USP39: variants seen among roughly 807,000 people sequenced by gnomAD.
The protein encoded by USP39 is ubiquitin specific peptidase 39, also known as ubiquitin carboxyl-terminal hydrolase 39.
A neutral mutation model predicts 66.4 loss-of-function variants in USP39; 38 were observed. That is an observed-to-expected ratio of 0.57 (90% confidence interval 0.44 to 0.75). USP39 has a LOEUF of 0.75. Among genes scored for constraint, USP39 ranks in the 30% least tolerant of loss-of-function variants. The probability of loss-of-function intolerance (pLI) is 0.00; values close to 1 mark genes in which losing one functional copy is unlikely to be tolerated. For missense variants in USP39, 608 were observed against 714.4 expected, an observed-to-expected ratio of 0.85 and a Z score of 1.70; for synonymous variants, 303 against 274.6, an observed-to-expected ratio of 1.10 and a Z score of -1.02.
At chr2:85,633,831 CT>C (rs35970499) in intron 6 of USP39, among the ~76,000 whole-genome samples, 871 of 79,000 alleles carry the variant, frequency 0.011, 1 homozygote, top group African/African-American at 0.036. Flanking sequence ...CGAGTAGTGG[CT>C]TTTTTTTTTT....
In USP39 at chr2:85,623,853, C is replaced by G. The variant is rs937637167; in HGVS notation, c.570+71C>G. 1.0e-5 allele frequency: 15 copies of G among 1,492,790 alleles called. No individual in the cohort carries two copies. The African/African-American group carries it at 1.3e-4, about 13-fold the overall frequency. The allele number at this position is 1,492,790 out of a possible 1,614,324, so 92.5% of individuals were successfully genotyped here. On this transcript the variant is annotated intron_variant, in intron 4 of 12. Transcript: ENST00000323701. ...CATCCCAGGGCTCCCAGGGGACTGC[C>G]CCACCTGAGGACAGGGAAGAATCTC...
chr2:85,623,853 C>T lies in USP39; in HGVS notation c.570+71C>T, dbSNP rs937637167. On this transcript the variant is annotated intron_variant, in intron 4 of 12. Transcript: ENST00000323701. The stretch of plus-strand genomic sequence containing the variant: ...CATCCCAGGGCTCCCAGGGGACTGC[C>T]CCACCTGAGGACAGGGAAGAATCTC... 4.7e-6 allele frequency: 7 copies of T among 1,492,790 alleles called. No individual in the cohort carries two copies. The East Asian group carries it at 1.0e-4, about 22-fold the overall frequency. 92.5% of individuals were successfully genotyped at this position (1,492,790 alleles called of 1,614,324 possible).
Position 85,630,913 on chromosome 2 carries a change from T to C in USP39, c.916T>C (p.Cys306Arg), listed in dbSNP as rs374810446. 7 of 1,614,094 alleles carry C rather than the reference T, an allele frequency of 4.3e-6. No homozygotes were observed. The highest frequency in any genetic ancestry group is 5.9e-6 in the Non-Finnish European group (7 of 1,180,050). Residue 306 changes from cysteine to arginine, a missense_variant, in exon 6 of 13, where the codon TGC becomes CGC. Cys to Arg is a radical substitution (Grantham distance 180). Coordinates refer to ENST00000323701, the MANE Select transcript of USP39 (RefSeq NM_006590.4). ...TGAGATGCTTCAGGCAGTTGTACTT[T>C]GCAGTAAGAAGACTTTTCAGATCAC... ...PHEMLQAVVL[C>R]SKKTFQITKQ...
intron 5 of USP39, among the ~76,000 whole-genome samples, chr2:85,628,335 C>T (rs377396900): frequency 6.6e-5 from 10 of 151,890 alleles, no homozygotes; most frequent in Non-Finnish European, 1.0e-4. Context: ...TTAGTAGAGA[C>T]GGGGTTTCAT....
rs1675746099 is a variant in USP39 at position 85,636,085 on chromosome 2, A to G, written c.982A>G (p.Asn328Asp). Residue 328 changes from asparagine to aspartate, a missense_variant, in exon 7 of 13, where the codon AAT (asparagine) becomes GAT (aspartate). Asn to Asp is a conservative substitution (Grantham distance 23). Around this residue, in one of 6 missense-constraint regions of USP39, gnomAD observed 72 missense variants for 60.1 expected, o/e 1.20. Transcript: ENST00000323701. ...DGVDFLSWFL[N>D]ALHSALGGTK... ...CGTTGACTTTCTGTCTTGGTTTCTG[A>G]ATGCTCTGCACTCAGCTCTGGGGGG... 1 of 1,614,114 alleles carries G rather than the reference A, an allele frequency of 6.2e-7. No homozygotes were observed. Among genetic ancestry groups the G allele is most frequent in the African/African-American group, 1.3e-5 (1 of 75,010 alleles).
Position 85,619,156 on chromosome 2 carries a change from T to C in USP39, c.269-64T>C, listed in dbSNP as rs1573395124. The C allele has an allele frequency of 1.9e-6, 3 of 1,546,034 alleles. No individual in the cohort carries two copies. In the East Asian group the frequency reaches 6.8e-5, roughly 35 times the overall value. On this transcript the variant is annotated intron_variant, in intron 1 of 12. Transcript: ENST00000323701. ...TTTCCCATTTCTGTTTCTTTTTTTG[T>C]TCTGTTAGTTGGCCCTGAGTATAGG...
chr2:85,608,940 C>T (rs543824731), upstream of USP39: 5 of 1,614,096 alleles, frequency 3.1e-6, no homozygotes, highest in African/African-American at 2.7e-5. Context: ...ACGCCTTCAA[C>T]ATGGTCAGTG....
chr2:85,645,153 C>T, intron 11 of USP39, 70 bp downstream of exon 11: 1 of 1,597,974 alleles, frequency 6.3e-7, no homozygotes, highest in Non-Finnish European at 8.5e-7. Context: ...TCTCAGAGGG[C>T]AGCTCCCTTC....
chr2:85,611,337 T>G (rs1573377559), upstream of USP39: 2 of 1,436,536 alleles, frequency 1.4e-6, no homozygotes, highest in Non-Finnish European at 1.8e-6. Flanking sequence ...TCCGCAATTA[T>G]GTGCTGGTCG....
Position 85,630,702 on chromosome 2 carries a change from C to T in USP39, c.724-19C>T, listed in dbSNP as rs765816948. 23 of 1,610,930 alleles carry T rather than the reference C, an allele frequency of 1.4e-5. No homozygotes were observed. The highest frequency in any genetic ancestry group is 1.3e-4 in the South Asian group (12 of 90,936). On this transcript the variant is annotated intron_variant, in intron 5 of 12. Transcript: ENST00000323701. Reference sequence around the variant, plus strand: ...TCCTACAAAGGGGCTTTGGGTTAATCGGAGTGTTTGATTTTTAGGCTCTAT... The same window carrying T: ...TCCTACAAAGGGGCTTTGGGTTAATTGGAGTGTTTGATTTTTAGGCTCTAT...
At chr2:85,627,743 A>G (rs1001002757) in intron 5 of USP39, among the ~76,000 whole-genome samples, 1 of 151,748 alleles carries the variant, frequency 6.6e-6, no homozygotes, top group Non-Finnish European at 1.5e-5. Flanking sequence ...AGGCTGTTGG[A>G]GAAGTTTGAG....
At chr2:85,627,110 A>AT (rs908797758) in intron 5 of USP39, among the ~76,000 whole-genome samples, 24 of 144,750 alleles carry the variant, frequency 1.7e-4, no homozygotes, top group East Asian at 4.1e-4. Flanking sequence ...TACTGTAGAA[A>AT]TTTTTTTTTT....
In USP39 at chr2:85,627,262, A is replaced by T. The variant is rs1485987570; in HGVS notation, c.723+1571A>T. 2.7e-5 allele frequency among the ~76,000 whole-genome samples: 4 copies of T among 145,718 alleles called. 1 individual carries two copies. In the East Asian group the frequency reaches 6.4e-4, roughly 23 times the overall value. On this transcript the variant is annotated intron_variant, in intron 5 of 12. Transcript: ENST00000323701. ...CAGATGCCTGCCACCACACCCGGCT[A>T]ATTTTTGTATTTTTAGTAGAGATGG...
chr2:85,609,577 G>T, upstream of USP39: 1 of 1,614,138 alleles, frequency 6.2e-7, no homozygotes. Context: ...GCGTGGGTGG[G>T]CAGAGACATC....
chr2:85,648,838 G>T lies in USP39; in HGVS notation c.*30G>T. ...GGCGTCTAGGGCTTTGCTCCCAAGGGCTGTGGCTGATGATGGTAAATAAGA... is the reference window on the plus strand; with the variant it reads ...GGCGTCTAGGGCTTTGCTCCCAAGGTCTGTGGCTGATGATGGTAAATAAGA... On this transcript the variant is annotated 3_prime_UTR_variant, in exon 13 of 13. Coordinates refer to ENST00000323701, the MANE Select transcript of USP39 (RefSeq NM_006590.4). 1.9e-6 allele frequency: 3 copies of T among 1,613,006 alleles called. No individual in the cohort carries two copies. Among genetic ancestry groups the T allele is most frequent in the Non-Finnish European group, 2.5e-6 (3 of 1,179,636 alleles).
At chr2:85,643,814 AT>A (rs1056475313) in intron 10 of USP39, among the ~76,000 whole-genome samples, 44 of 146,796 alleles carry the variant, frequency 3.0e-4, no homozygotes, top group Admixed American at 4.1e-4. Context: ...CGCCCAGCTA[AT>A]TTTTTTTTTT....
intron 2 of USP39, chr2:85,621,141 C>G (rs1302674767): frequency 5.6e-6 from 1 of 178,456 alleles, no homozygotes; most frequent in African/African-American, 2.3e-5. Context: ...CTTTTTATGT[C>G]CTCTCCACCT....
chr2:85,627,763 A>G (rs1221625721), intron 5 of USP39, among the ~76,000 whole-genome samples: 1 of 152,246 alleles, frequency 6.6e-6, no homozygotes, highest in Non-Finnish European at 1.5e-5. Context: ...GGACTTTGAA[A>G]AGTGCAGGCA....
At chr2:85,631,417 AGGGAT>A (rs1359250536) in intron 6 of USP39, among the ~76,000 whole-genome samples, 3 of 149,402 alleles carry the variant, frequency 2.0e-5, no homozygotes, top group Non-Finnish European at 4.4e-5. Context: ...TCTGGACTCA[AGGGAT>A]CCTCTTGCCT....
Sources: gnomAD v4.1 joint callset for allele counts (sites outside exome capture counted in the v4.1 genomes callset) on GRCh38, gnomAD v4.1.1 for gene constraint, gnomAD v4.1.1 regional missense constraint, MANE v1.5 for transcripts, NCBI Gene and HGNC (gene_info 2026-07-23, HGNC 2026-07-21) for gene names.